Variants in ZMYND11 observed in about 807,000 individuals in gnomAD.
ZMYND11 encodes the protein zinc finger MYND domain-containing protein 11.
A neutral mutation model predicts 84.9 loss-of-function variants in ZMYND11; 9 were observed. That is an observed-to-expected ratio of 0.11 (90% CI 0.06 to 0.18). The LOEUF is 0.18. ZMYND11 is among the 10% of genes least tolerant of loss of function. The pLI is 1.00. For synonymous variants in ZMYND11, 250 were observed against 244.1 expected, an observed-to-expected ratio of 1.02 and a Z score of -0.23; for missense variants, 409 against 761.0, an observed-to-expected ratio of 0.54 and a Z score of 5.44.
intron 3 of ZMYND11, among the ~76,000 whole-genome samples, chr10:217,988 G>A (rs1946479845): frequency 6.6e-6 from 1 of 152,138 alleles, no homozygotes; most frequent in African/African-American, 2.4e-5. Context: ...TAAATTTCAT[G>A]TTATGGTGAG....
At position 151,563 on chromosome 10, in the gene ZMYND11, T is replaced by C. The variant is rs549021605; in HGVS notation, c.-20+16004T>C. On this transcript the variant is annotated intron_variant, in intron 1 of 14. Transcript: ENST00000381604. ...AAAGTCTTCGAGAAATATGGGACTA[T>C]GTGAAAAGACCAAATCTACGTCTGA... Among the ~76,000 whole-genome samples, 27 of 152,224 alleles carry C rather than the reference T, an allele frequency of 1.8e-4. No individual in the cohort carries two copies. In the South Asian group the frequency reaches 5.4e-3, roughly 30 times the overall value.
At chr10:235,737 C>G (rs895643859) in intron 4 of ZMYND11, among the ~76,000 whole-genome samples, 1 of 152,258 alleles carries the variant, frequency 6.6e-6, no homozygotes, top group African/African-American at 2.4e-5. Flanking sequence ...AGGGCACTGA[C>G]TGCGTTGCCA....
rs1368797877 is a variant in ZMYND11, at chr10:221,176, A to G, written c.277-19A>G. The G allele has an allele frequency of 6.2e-7, 1 of 1,610,822 alleles. No individual in the cohort carries two copies. The highest frequency in any genetic ancestry group is 8.5e-7 in the Non-Finnish European group (1 of 1,177,722). On this transcript the variant is annotated intron_variant, in intron 3 of 14. Coordinates refer to ENST00000381604, the MANE Select transcript of ZMYND11 (RefSeq NM_001370100.5). ...TATTGACAAAATGTCATACAAAACT[A>G]TTTTGTACTTTTTTGTAGGACTGGG... is the stretch of plus-strand genomic sequence containing the variant.
Position 254,413 on chromosome 10 carries a change from G to C in ZMYND11, c.*1943G>C, listed in dbSNP as rs1954016366. The C allele has an allele frequency of 6.6e-6, 1 of 152,406 alleles. No homozygotes were observed. The highest frequency in any genetic ancestry group is 1.5e-5 in the Non-Finnish European group (1 of 68,002). 9.4% of individuals were successfully genotyped at this position (152,406 alleles called of 1,614,324 possible). ...GTGGCCTGGTTTTGTAAAAGTTTTAGGTAAAATTACAATTGATTGTTTTAG... is the reference window on the plus strand; with the variant it reads ...GTGGCCTGGTTTTGTAAAAGTTTTACGTAAAATTACAATTGATTGTTTTAG... On this transcript the variant is annotated 3_prime_UTR_variant, in exon 15 of 15. Transcript: ENST00000381604.
chr10:151,412 A>G (rs1554757015), intron 1 of ZMYND11, among the ~76,000 whole-genome samples: 1 of 152,256 alleles, frequency 6.6e-6, no homozygotes, highest in Non-Finnish European at 1.5e-5. Context: ...GAACTACGTG[A>G]CGAATGCACA....
chr10:216,557 G>T (rs749021613), intron 3 of ZMYND11, among the ~76,000 whole-genome samples: 1 of 152,066 alleles, frequency 6.6e-6, no homozygotes, highest in Middle Eastern at 3.4e-3. Flanking sequence ...GTTACTTACC[G>T]CAGAACCACA....
intron 8 of ZMYND11, 80 bp from the exon 9 acceptor site, chr10:240,797 TATATACGTGAATGTTA>T (rs1950760414): frequency 1.1e-6 from 1 of 946,434 alleles, no homozygotes; most frequent in African/African-American, 1.7e-5. Flanking sequence ...CAACACTATT[TATATACGTGAATGTTA>T]ATTTACATGG....
upstream of ZMYND11, chr10:135,012 C>G (rs1367660254): frequency 6.7e-6 from 1 of 149,084 alleles, no homozygotes; most frequent in Non-Finnish European, 1.5e-5. This position sits in a 1 kb window ranked among gnomAD's most constrained non-coding sequence, Gnocchi z 5.6. Flanking sequence ...CGCGGGGCGC[C>G]TCGACCCGAC....
chr10:209,194 TG>T (rs1382572326), intron 2 of ZMYND11, among the ~76,000 whole-genome samples: 2 of 152,146 alleles, frequency 1.3e-5, no homozygotes, highest in Non-Finnish European at 2.9e-5. Context: ...TGAATATAGT[TG>T]GTGAATACAA....
chr10:157,358 C>T (rs1841953910), intron 1 of ZMYND11, among the ~76,000 whole-genome samples: 1 of 152,104 alleles, frequency 6.6e-6, no homozygotes, highest in Admixed American at 6.5e-5. Flanking sequence ...TGCCACCACA[C>T]TTGGCTAATG....
At chr10:154,857 C>T (rs1207453037) in intron 1 of ZMYND11, 1 of 152,092 alleles carries the variant, frequency 6.6e-6, no homozygotes, top group African/African-American at 2.4e-5. Flanking sequence ...TATTTTCTCT[C>T]CCATCCAAGT....
At position 222,053 on chromosome 10, in the gene ZMYND11, G is replaced by C. The variant is rs1947225329; in HGVS notation, c.438+697G>C. Among the ~76,000 whole-genome samples, 5 of 151,900 alleles carry C rather than the reference G, an allele frequency of 3.3e-5. No individual in the cohort carries two copies. In the South Asian group the frequency reaches 1.0e-3, roughly 32 times the overall value. The stretch of plus-strand genomic sequence containing the variant: ...GTGACTTATTACATATGGCATCGAT[G>C]GTAATAAGGAATTATTTGATTGCAA... On this transcript the variant is annotated intron_variant, in intron 4 of 14. Transcript: ENST00000381604.
At chr10:249,372 C>CAT in intron 14 of ZMYND11, 1 of 1,139,310 alleles carries the variant, frequency 8.8e-7, no homozygotes, top group Non-Finnish European at 1.1e-6. Context: ...TCCATCTATG[C>CAT]ATATATTTTA....
intron 2 of ZMYND11, among the ~76,000 whole-genome samples, chr10:185,847 G>T (rs1378551933): frequency 6.3e-5 from 9 of 143,846 alleles, no homozygotes; most frequent in African/African-American, 2.3e-4. Context: ...CAAAAAAAAA[G>T]ACGGTTGCTA....
intron 4 of ZMYND11, 83 bp from the exon 5 acceptor site, chr10:236,753 AGT>A: frequency 8.8e-7 from 1 of 1,142,468 alleles, no homozygotes; most frequent in South Asian, 1.4e-5. Context: ...ATACTATCTA[AGT>A]GTTTCATATA....
chr10:199,606 A>T (rs1441193214), intron 2 of ZMYND11, among the ~76,000 whole-genome samples: 5 of 151,314 alleles, frequency 3.3e-5, no homozygotes, highest in South Asian at 4.2e-4. Flanking sequence ...ATTTTTTAAA[A>T]TTTTTTTTGT....
intron 1 of ZMYND11, among the ~76,000 whole-genome samples, chr10:165,337 G>A (rs1171872288): frequency 4.6e-5 from 7 of 151,126 alleles, no homozygotes; most frequent in Admixed American, 4.6e-4. Context: ...AGTTCTTAGG[G>A]GCCTAGGTCA....
intron 14 of ZMYND11, chr10:249,732 C>T (rs745382257): frequency 6.1e-6 from 6 of 985,286 alleles, no homozygotes; most frequent in East Asian, 1.1e-4. Context: ...GTTTTGCTCC[C>T]GAAAGCTCAT....
intron 1 of ZMYND11, among the ~76,000 whole-genome samples, chr10:146,660 C>A (rs1554755383): frequency 6.6e-6 from 1 of 152,118 alleles, no homozygotes; most frequent in Non-Finnish European, 1.5e-5. Flanking sequence ...GGATTGAGTT[C>A]TTGATTTGAT....
Sources: allele counts gnomAD v4.1 joint callset (sites outside exome capture counted in the v4.1 genomes callset), GRCh38; gene constraint gnomAD v4.1.1; non-coding constraint Gnocchi (gnomAD v3.1); transcripts MANE v1.5; gene names NCBI Gene and HGNC (gene_info 2026-07-23, HGNC 2026-07-21).